DOCK4: variants seen among roughly 807,000 people sequenced by gnomAD.
DOCK4 encodes the protein dedicator of cytokinesis 4, also known as dedicator of cytokinesis protein 4.
Under a neutral mutation model 268.1 loss-of-function variants are expected in DOCK4, and 97 were observed. The ratio of observed to expected loss-of-function variants is 0.36; its 90% CI spans 0.31 to 0.43. DOCK4 has a LOEUF of 0.43. DOCK4 is among the 20% of genes least tolerant of loss of function. The pLI is 1.00. For missense variants in DOCK4, 2,145 were observed against 2,455.7 expected, an observed-to-expected ratio of 0.87 and a Z score of 2.67; for synonymous variants, 954 against 887.2, an observed-to-expected ratio of 1.08 and a Z score of -1.34.
intron 13 of DOCK4, among the ~76,000 whole-genome samples, chr7:111,904,740 G>C (rs1293434432): frequency 6.6e-6 from 1 of 152,084 alleles, no homozygotes; most frequent in Non-Finnish European, 1.5e-5. Flanking sequence ...GTCTATACAG[G>C]GTATTAGAAA....
chr7:111,842,817 C>A (rs949879269), intron 25 of DOCK4, among the ~76,000 whole-genome samples: 3 of 152,164 alleles, frequency 2.0e-5, no homozygotes, highest in East Asian at 1.9e-4. Flanking sequence ...CCTCACCCAG[C>A]AGTAACAAGA....
chr7:111,754,987 C>G (rs1053294960), intron 42 of DOCK4, among the ~76,000 whole-genome samples: 1 of 152,160 alleles, frequency 6.6e-6, no homozygotes, highest in African/African-American at 2.4e-5. Flanking sequence ...TGTAAGAAAC[C>G]TACTGCTAGA....
chr7:111,911,381 T>C (rs1792088672), intron 13 of DOCK4, among the ~76,000 whole-genome samples: 1 of 152,100 alleles, frequency 6.6e-6, no homozygotes, highest in Admixed American at 6.5e-5. Flanking sequence ...GTGTAAAAAA[T>C]TCCACTGAGT....
At position 111,741,640 on chromosome 7, in the gene DOCK4, C is replaced by T. The variant is rs1190640700; in HGVS notation, c.4819G>A (p.Ala1607Thr). The T allele has an allele frequency of 1.2e-6, 2 of 1,613,224 alleles. No individual in the cohort carries two copies. The highest frequency in any genetic ancestry group is 3.3e-5 in the Admixed American group (2 of 59,890). Residue 1607 changes from alanine to threonine, a missense_variant, in exon 46 of 53, where the codon GCC becomes ACC. This residue lies in a region of DOCK4 where 1,598 missense variants were observed against 1,986.7 expected (regional missense o/e 0.80). Coordinates refer to ENST00000428084, the MANE Select transcript of DOCK4 (RefSeq NM_001363540.2). ...GIQEFSACMQ[A>T]SPVHFPNGSP... is the part of the protein sequence containing the mutation. ...CCATTAGGAAAATGGACAGGACTGG[C>T]TTGCATACAAGCAGAGAACTCCTAA...
intron 30 of DOCK4, among the ~76,000 whole-genome samples, chr7:111,805,172 A>G (rs985378833): frequency 2.6e-5 from 4 of 152,166 alleles, no homozygotes; most frequent in Non-Finnish European, 5.9e-5. Context: ...CTATGTTCCC[A>G]ACCAGACCTC....
chr7:112,024,532 C>A (rs535923364), intron 1 of DOCK4, among the ~76,000 whole-genome samples: 1 of 152,084 alleles, frequency 6.6e-6, no homozygotes, highest in African/African-American at 2.4e-5. Flanking sequence ...TCTACCCAAC[C>A]CATCAACAAA....
chr7:111,996,205 T>C (rs1301260002), intron 4 of DOCK4, among the ~76,000 whole-genome samples: 1 of 152,206 alleles, frequency 6.6e-6, no homozygotes, highest in Non-Finnish European at 1.5e-5. Flanking sequence ...CAGTCCTACA[T>C]TGATCTGAAG....
At chr7:111,973,288 T>TGA (rs1797883598) in intron 8 of DOCK4, among the ~76,000 whole-genome samples, 1 of 151,792 alleles carries the variant, frequency 6.6e-6, no homozygotes, top group Non-Finnish European at 1.5e-5. Context: ...TGCAAGTATC[T>TGA]TTTTCGTATA....
intron 23 of DOCK4, among the ~76,000 whole-genome samples, chr7:111,852,289 T>C (rs1804638551): frequency 6.6e-6 from 1 of 152,162 alleles, no homozygotes; most frequent in Non-Finnish European, 1.5e-5. Flanking sequence ...TTTTGATGCC[T>C]GCCACTGGGT....
intron 50 of DOCK4, among the ~76,000 whole-genome samples, chr7:111,735,554 C>A (rs1795416617): frequency 6.6e-6 from 1 of 152,136 alleles, no homozygotes; most frequent in South Asian, 2.1e-4. Context: ...ATGGAGAAGG[C>A]AATGACATAC....
At chr7:111,887,645 T>G (rs971342223) in intron 16 of DOCK4, among the ~76,000 whole-genome samples, 1 of 152,122 alleles carries the variant, frequency 6.6e-6, no homozygotes, top group Non-Finnish European at 1.5e-5. Flanking sequence ...GGGGAAAAAC[T>G]TCAGTTGAGC....
At chr7:112,173,643 G>T (rs968748016) in intron 1 of DOCK4, among the ~76,000 whole-genome samples, 45 of 152,022 alleles carry the variant, frequency 3.0e-4, no homozygotes, top group African/African-American at 1.1e-3. Context: ...TCCCAAAGAC[G>T]AGTACACACA....
chr7:111,892,362 G>T (rs1199356801), intron 16 of DOCK4, among the ~76,000 whole-genome samples: 1 of 152,068 alleles, frequency 6.6e-6, no homozygotes, highest in African/African-American at 2.4e-5. Flanking sequence ...GACCACGCTG[G>T]ACTAACTTTT....
At chr7:111,985,857 T>C (rs1331040760) in intron 6 of DOCK4, among the ~76,000 whole-genome samples, 1 of 152,164 alleles carries the variant, frequency 6.6e-6, no homozygotes, top group Non-Finnish European at 1.5e-5. Flanking sequence ...TCCATTCCCT[T>C]CTGAAAGAGA....
chr7:111,806,762 G>A (rs1344448250), intron 30 of DOCK4, among the ~76,000 whole-genome samples: 3 of 152,172 alleles, frequency 2.0e-5, no homozygotes, highest in Non-Finnish European at 4.4e-5. Flanking sequence ...GGTGGAGTGA[G>A]AGATTTTGCA....
chr7:112,140,275 T>C (rs1397256705), intron 1 of DOCK4, among the ~76,000 whole-genome samples: 1 of 152,162 alleles, frequency 6.6e-6, no homozygotes, highest in East Asian at 1.9e-4. Context: ...AACGTGGAGA[T>C]GTCGGAGCCC....
At chr7:111,789,420 G>A (rs188683996) in intron 31 of DOCK4, among the ~76,000 whole-genome samples, 87 of 152,254 alleles carry the variant, frequency 5.7e-4, no homozygotes, top group African/African-American at 2.0e-3. Flanking sequence ...AGGCAGAAGA[G>A]ACAGAAAATG....
At position 112,094,522 on chromosome 7, in the gene DOCK4, A is replaced by G. The variant is rs572456807; in HGVS notation, c.38-90391T>C. On this transcript the variant is annotated intron_variant, in intron 1 of 52. Coordinates refer to ENST00000428084, the MANE Select transcript of DOCK4 (RefSeq NM_001363540.2). ...TTAGTTGTAGCAAACTTGAAATTCA[A>G]AAATGACAACTGCCTATTAAAATAT... Among the ~76,000 whole-genome samples the G allele has an allele frequency of 7.2e-5, 11 of 152,360 alleles. No individual in the cohort carries two copies. In the South Asian group the frequency reaches 1.7e-3, roughly 23 times the overall value.
chr7:111,990,967 G>T lies in DOCK4; in HGVS notation c.316-1804C>A, dbSNP rs528856898. On this transcript the variant is annotated intron_variant, in intron 5 of 52. Coordinates refer to ENST00000428084, the MANE Select transcript of DOCK4 (RefSeq NM_001363540.2). ...CAAACACTTGAGGAAGTCAGTGTAG[G>T]AAGGAAAAGTCCACCCAAGTCAATA... Among the ~76,000 whole-genome samples, 7 of 152,258 alleles carry T rather than the reference G, an allele frequency of 4.6e-5. No individual in the cohort carries two copies. The South Asian group carries it at 1.5e-3, about 32-fold the overall frequency.
Sources: gnomAD v4.1 joint callset for allele counts (sites outside exome capture counted in the v4.1 genomes callset) on GRCh38, gnomAD v4.1.1 for gene constraint, gnomAD v4.1.1 regional missense constraint, MANE v1.5 for transcripts, NCBI Gene and HGNC (gene_info 2026-07-23, HGNC 2026-07-21) for gene names.